Variants in ACSL5 observed in about 807,000 individuals in gnomAD.
ACSL5 encodes acyl-CoA synthetase long chain family member 5, also known as long-chain-fatty-acid--CoA ligase 5.
ACSL5 carries 50 observed loss-of-function variants against 84.9 expected under a neutral mutation model. The ratio of observed to expected loss-of-function variants is 0.59; its 90% CI spans 0.47 to 0.75. The LOEUF (loss-of-function observed/expected upper bound fraction) is 0.75. Ranked by LOEUF, ACSL5 falls within the 30% of genes least tolerant of loss-of-function variation. The pLI is 0.00. For missense variants in ACSL5, 775 were observed against 830.4 expected (o/e 0.93, Z 0.82); for synonymous variants, 280 against 300.7 (o/e 0.93, Z 0.71).
Position 112,427,462 on chromosome 10 carries a change from A to T in ACSL5, c.*104A>T. 9.2e-7 allele frequency: 1 copy of T among 1,086,204 alleles called. No homozygotes were observed. Among genetic ancestry groups the T allele is most frequent in the Non-Finnish European group, 1.3e-6 (1 of 781,964 alleles). The allele number at this position is 1,086,204 out of a possible 1,614,324, so 67.3% of individuals were successfully genotyped here. ...TTTGCCTTTCCTCCTATTTTTTTTT[A>T]ACCTGTTAAACTCTAAAGCCATAGC... On this transcript the variant is annotated 3_prime_UTR_variant, in exon 21 of 21. Coordinates refer to ENST00000354655, the MANE Select transcript of ACSL5 (RefSeq NM_203379.2).
At chr10:112,384,060 C>G (rs1235255159) in intron 1 of ACSL5, among the ~76,000 whole-genome samples, 1 of 151,964 alleles carries the variant, frequency 6.6e-6, no homozygotes, top group Non-Finnish European at 1.5e-5. Flanking sequence ...CAGGCACACA[C>G]CTGTAATCCC....
At chr10:112,374,969 G>A (rs1182072018) in intron 1 of ACSL5, among the ~76,000 whole-genome samples, 2 of 151,984 alleles carry the variant, frequency 1.3e-5, no homozygotes, top group Non-Finnish European at 2.9e-5. Flanking sequence ...TGTGCACAGA[G>A]GATTGATAGG....
At chr10:112,385,930 A>G (rs1849442709) in intron 1 of ACSL5, among the ~76,000 whole-genome samples, 1 of 152,034 alleles carries the variant, frequency 6.6e-6, no homozygotes, top group Admixed American at 6.6e-5. Context: ...TATTGTTTTC[A>G]TTGTTTTATA....
intron 1 of ACSL5, among the ~76,000 whole-genome samples, chr10:112,376,002 T>C (rs1849230971): frequency 6.6e-6 from 1 of 152,154 alleles, no homozygotes; most frequent in Non-Finnish European, 1.5e-5. Flanking sequence ...TCAAGTCATT[T>C]TAGTTTGTTT....
Position 112,411,518 on chromosome 10 carries a change from A to C in ACSL5, c.859A>C (p.Lys287Gln). Residue 287 changes from lysine to glutamine, a missense_variant, in exon 10 of 21, where the codon AAA becomes CAA. By Grantham distance (53) the Lys-to-Gln change is moderately conservative (BLOSUM62 1). Coordinates refer to ENST00000354655, the MANE Select transcript of ACSL5 (RefSeq NM_203379.2). ...TGTTTCAAATGCTGCTGCCTTTCTC[A>C]AATGTGTGGAGGTCAGTGGTCAGTT... ...NIVSNAAAFL[K>Q]CVEHAYEPTP... The C allele has an allele frequency of 6.2e-7, 1 of 1,613,540 alleles. No individual in the cohort carries two copies.
intron 12 of ACSL5, among the ~76,000 whole-genome samples, chr10:112,415,858 A>T (rs1844302164): frequency 6.6e-6 from 1 of 152,170 alleles, no homozygotes; most frequent in African/African-American, 2.4e-5. Flanking sequence ...AGAGTTCAGG[A>T]CTAAATTTTG....
intron 2 of ACSL5, among the ~76,000 whole-genome samples, chr10:112,397,395 C>G (rs1201705399): frequency 6.6e-6 from 1 of 152,086 alleles, no homozygotes; most frequent in Non-Finnish European, 1.5e-5. Flanking sequence ...GTCTCGAACT[C>G]CTGACCTCAG....
intron 12 of ACSL5, among the ~76,000 whole-genome samples, chr10:112,415,926 G>A (rs1473495843): frequency 6.6e-6 from 1 of 152,216 alleles, no homozygotes; most frequent in Non-Finnish European, 1.5e-5. Flanking sequence ...CAGGAGTGTG[G>A]TTGATGGAAT....
intron 5 of ACSL5, among the ~76,000 whole-genome samples, chr10:112,407,545 C>T (rs2419627): frequency 0.2 from 30,452 of 151,910 alleles, 3,668 homozygotes; most frequent in Non-Finnish European, 0.26. Flanking sequence ...TGAATGGGTA[C>T]GCAGCTAAAC....
chr10:112,381,525 T>TAGAGG (rs2133563375), intron 1 of ACSL5, among the ~76,000 whole-genome samples: 1 of 151,548 alleles, frequency 6.6e-6, no homozygotes, highest in Non-Finnish European at 1.5e-5. Context: ...ATTAGCCGGA[T>TAGAGG]GTGATGATGC....
Position 112,428,144 on chromosome 10 carries a change from G to T in ACSL5, c.*786G>T. 1 of 301,600 alleles carries T rather than the reference G, an allele frequency of 3.3e-6. No homozygotes were observed. The highest frequency in any genetic ancestry group is 6.1e-6 in the Non-Finnish European group (1 of 164,906). The allele number at this position is 301,600 out of a possible 1,614,324, so 18.7% of individuals were successfully genotyped here. ...GCTGTGGGGGAAGGAGTTGACAGGT[G>T]GGCCCAGTGAACTTTTCCAGTAAAT... is the stretch of plus-strand genomic sequence containing the variant. On this transcript the variant is annotated 3_prime_UTR_variant, in exon 21 of 21. Coordinates refer to ENST00000354655, the MANE Select transcript of ACSL5 (RefSeq NM_203379.2).
chr10:112,425,164 G>A, intron 17 of ACSL5, 174 bp from the exon 18 acceptor site: 1 of 530,258 alleles, frequency 1.9e-6, no homozygotes, highest in Non-Finnish European at 3.3e-6. Context: ...GGTTCTTGCT[G>A]CACGATGCTT....
chr10:112,411,772 A>G (rs1844185061), intron 10 of ACSL5, 130 bp from the exon 11 acceptor site: 1 of 912,022 alleles, frequency 1.1e-6, no homozygotes, highest in African/African-American at 1.6e-5. Flanking sequence ...GGCATCTCAG[A>G]TCTACACAGT....
chr10:112,427,492 G>A lies in ACSL5; in HGVS notation c.*134G>A. The A allele has an allele frequency of 1.3e-6, 1 of 781,012 alleles. No individual in the cohort carries two copies. Among genetic ancestry groups the A allele is most frequent in the African/African-American group, 1.8e-5 (1 of 55,296 alleles). 48.4% of individuals were successfully genotyped at this position (781,012 alleles called of 1,614,324 possible). On this transcript the variant is annotated 3_prime_UTR_variant, in exon 21 of 21. Coordinates refer to ENST00000354655, the MANE Select transcript of ACSL5 (RefSeq NM_203379.2). Reference sequence around the variant, plus strand: ...GTTAAACTCTAAAGCCATAGCTTTTGTTTTATATTGAGACATATAATGTGT... The same window carrying A: ...GTTAAACTCTAAAGCCATAGCTTTTATTTTATATTGAGACATATAATGTGT...
At chr10:112,416,750 A>G in intron 12 of ACSL5, 138 bp from the exon 13 acceptor site, 1 of 936,310 alleles carries the variant, frequency 1.1e-6, no homozygotes, top group Non-Finnish European at 1.6e-6. Context: ...GCTCATCATT[A>G]TTCAGCAATC....
chr10:112,390,655 AATAGATAGATAG>A (rs56390024), intron 1 of ACSL5, among the ~76,000 whole-genome samples: 5,412 of 149,560 alleles, frequency 0.036, 121 homozygotes, highest in East Asian at 0.12. Flanking sequence ...TAGATAGATA[AATAGATAGATAG>A]ATAGATAGAT....
At chr10:112,411,287 G>A in intron 9 of ACSL5, 169 bp from the exon 10 acceptor site, 1 of 605,006 alleles carries the variant, frequency 1.7e-6, no homozygotes, top group Non-Finnish European at 2.9e-6. Context: ...ATCTCCGGGG[G>A]CATTAATTAT....
At chr10:112,389,264 G>A (rs1329380946) in intron 1 of ACSL5, among the ~76,000 whole-genome samples, 2 of 152,122 alleles carry the variant, frequency 1.3e-5, no homozygotes, top group Non-Finnish European at 2.9e-5. Context: ...CAGCTAACTT[G>A]GGAATAAAAC....
chr10:112,403,515 AC>A (rs1427913137), intron 3 of ACSL5, among the ~76,000 whole-genome samples: 1 of 152,044 alleles, frequency 6.6e-6, no homozygotes, highest in Non-Finnish European at 1.5e-5. Context: ...TGAACTCCCA[AC>A]CTCAGGTGAT....
Sources: allele counts gnomAD v4.1 joint callset (sites outside exome capture counted in the v4.1 genomes callset), GRCh38; gene constraint gnomAD v4.1.1; transcripts MANE v1.5; gene names NCBI Gene and HGNC (gene_info 2026-07-23, HGNC 2026-07-21).